The following UNC5C variants were observed in gnomAD, a reference collection of about 807,000 sequenced individuals.
UNC5C encodes the protein netrin receptor UNC5C.
In UNC5C, 47 loss-of-function variants were observed where a neutral mutation model predicts 99.8. That is an observed-to-expected ratio of 0.47 (90% CI 0.37 to 0.60). The LOEUF is 0.60. UNC5C is among the 20% of genes least tolerant of loss of function. UNC5C has a pLI of 0.00. For synonymous variants in UNC5C, 487 were observed against 452.2 expected, an observed-to-expected ratio of 1.08 and a Z score of -0.98; for missense variants, 1,062 against 1,165.9, an observed-to-expected ratio of 0.91 and a Z score of 1.30.
At chr4:95,296,956 G>A (rs753223552) in intron 3 of UNC5C, among the ~76,000 whole-genome samples, 4 of 152,142 alleles carry the variant, frequency 2.6e-5, no homozygotes, top group Admixed American at 6.6e-5. Flanking sequence ...AAGTGTTGAC[G>A]GTGAAAGTCT....
chr4:95,513,430 A>C (rs1354112842), intron 1 of UNC5C, among the ~76,000 whole-genome samples: 1 of 152,140 alleles, frequency 6.6e-6, no homozygotes, highest in African/African-American at 2.4e-5. Context: ...TGTAGACTGA[A>C]ATCTTTTAGA....
chr4:95,290,409 C>G (rs1299868785), intron 3 of UNC5C, among the ~76,000 whole-genome samples: 1 of 151,472 alleles, frequency 6.6e-6, no homozygotes, highest in African/African-American at 2.4e-5. Context: ...CAAAAATCAA[C>G]TATATGCAGT....
At chr4:95,308,460 C>T (rs765638153) in intron 2 of UNC5C, among the ~76,000 whole-genome samples, 1 of 151,700 alleles carries the variant, frequency 6.6e-6, no homozygotes, top group South Asian at 2.1e-4. Context: ...AGAAGAAAAA[C>T]ATTAATGGAA....
intron 14 of UNC5C, 36 bp from the exon 15 acceptor site, chr4:95,170,368 T>G: frequency 6.2e-7 from 1 of 1,604,664 alleles, no homozygotes; most frequent in Non-Finnish European, 8.5e-7. Flanking sequence ...CAGCATTATT[T>G]CTGAGGACAA....
At chr4:95,305,625 A>C (rs1215746817) in intron 2 of UNC5C, among the ~76,000 whole-genome samples, 1 of 152,196 alleles carries the variant, frequency 6.6e-6, no homozygotes, top group African/African-American at 2.4e-5. Context: ...ATAACATCAA[A>C]GATTTCCCAT....
intron 1 of UNC5C, among the ~76,000 whole-genome samples, chr4:95,419,034 T>C (rs1308462449): frequency 6.6e-6 from 1 of 152,202 alleles, no homozygotes; most frequent in Non-Finnish European, 1.5e-5. Context: ...TAAGCATCTC[T>C]TATTTTTTCC....
chr4:95,513,310 T>G (rs544271516), intron 1 of UNC5C, among the ~76,000 whole-genome samples: 8 of 152,318 alleles, frequency 5.3e-5, no homozygotes, highest in African/African-American at 1.9e-4. Context: ...AGGTTCAGAA[T>G]GCCAGGCGCA....
chr4:95,341,748 C>T (rs1391184612), intron 1 of UNC5C, among the ~76,000 whole-genome samples: 1 of 152,062 alleles, frequency 6.6e-6, no homozygotes, highest in African/African-American at 2.4e-5. Flanking sequence ...CTGAAAAATG[C>T]ACTGAAGAAT....
At chr4:95,544,201 AC>A (rs1179575952) in intron 1 of UNC5C, among the ~76,000 whole-genome samples, 1 of 152,192 alleles carries the variant, frequency 6.6e-6, no homozygotes, top group African/African-American at 2.4e-5. Flanking sequence ...TCATAGTCAC[AC>A]AGCTGGAGGT....
At chr4:95,187,326 T>C (rs1017474465) in intron 12 of UNC5C, among the ~76,000 whole-genome samples, 1 of 152,206 alleles carries the variant, frequency 6.6e-6, no homozygotes, top group Non-Finnish European at 1.5e-5. Flanking sequence ...TAAAGAGCAA[T>C]CGATAGTAAT....
chr4:95,348,349 T>C (rs1743854280), intron 1 of UNC5C, among the ~76,000 whole-genome samples: 1 of 151,644 alleles, frequency 6.6e-6, no homozygotes, highest in South Asian at 2.1e-4. Context: ...TGGAGAATGG[T>C]TTGGAGGTTC....
rs552279132 is a variant in UNC5C at position 95,167,521 on chromosome 4, A to T, written c.*1713T>A. Reference sequence around the variant, plus strand: ...GGTGTAGCGTAGAAAAAAATGCACCAAGTTCCTACTGCCAGATAAACTTGT... The same window carrying T: ...GGTGTAGCGTAGAAAAAAATGCACCTAGTTCCTACTGCCAGATAAACTTGT... On this transcript the variant is annotated 3_prime_UTR_variant, in exon 16 of 16. Coordinates refer to ENST00000453304, the MANE Select transcript of UNC5C (RefSeq NM_003728.4). The T allele has an allele frequency of 2.6e-5, 4 of 152,322 alleles. No individual in the cohort carries two copies. In the East Asian group the frequency reaches 7.7e-4, roughly 29 times the overall value. The allele number at this position is 152,322 out of a possible 1,614,324, so 9.4% of individuals were successfully genotyped here. A position where few individuals can be genotyped will look rare whatever the true frequency, so the allele number is the denominator to read the frequency against.
intron 1 of UNC5C, among the ~76,000 whole-genome samples, chr4:95,487,637 A>G (rs147759336): frequency 2.0e-5 from 3 of 151,736 alleles, no homozygotes; most frequent in South Asian, 2.1e-4. Context: ...ATTTTGAGCA[A>G]GAAACTACAA....
At chr4:95,225,244 G>A (rs1403991371) in intron 7 of UNC5C, among the ~76,000 whole-genome samples, 2 of 152,038 alleles carry the variant, frequency 1.3e-5, no homozygotes, top group Non-Finnish European at 2.9e-5. Context: ...TTTACTAGAC[G>A]CGGGGTTTCA....
intron 1 of UNC5C, among the ~76,000 whole-genome samples, chr4:95,394,798 A>G (rs1745465043): frequency 6.6e-6 from 1 of 150,886 alleles, no homozygotes; most frequent in Non-Finnish European, 1.5e-5. Flanking sequence ...CATAAGCGGC[A>G]CTAGGATTGA....
chr4:95,190,908 C>T (rs1245410898), intron 12 of UNC5C, among the ~76,000 whole-genome samples: 1 of 152,174 alleles, frequency 6.6e-6, no homozygotes, highest in Non-Finnish European at 1.5e-5. Flanking sequence ...AAAGGCAGGA[C>T]AAGAGATTCC....
intron 1 of UNC5C, among the ~76,000 whole-genome samples, chr4:95,375,803 C>T (rs1394573067): frequency 2.6e-5 from 4 of 152,122 alleles, no homozygotes; most frequent in Non-Finnish European, 5.9e-5. Context: ...ATAGGCCGGG[C>T]GTGGTGGCTC....
intron 12 of UNC5C, among the ~76,000 whole-genome samples, chr4:95,191,692 C>T (rs1007428387): frequency 6.6e-6 from 1 of 150,756 alleles, no homozygotes; most frequent in Non-Finnish European, 1.5e-5. Context: ...CCCCAATCAC[C>T]TCCTCCCCTG....
chr4:95,498,932 A>G (rs1030983771), intron 1 of UNC5C, among the ~76,000 whole-genome samples: 10 of 152,026 alleles, frequency 6.6e-5, no homozygotes, highest in Admixed American at 2.0e-4. Flanking sequence ...ACTTCTCCAA[A>G]CGTACTTGTG....
Sources: gnomAD v4.1 joint callset for allele counts (sites outside exome capture counted in the v4.1 genomes callset) on GRCh38, gnomAD v4.1.1 for gene constraint, MANE v1.5 for transcripts, NCBI Gene and HGNC (gene_info 2026-07-23, HGNC 2026-07-21) for gene names.